Variants in SGCZ observed in about 807,000 individuals in gnomAD.
SGCZ encodes the protein zeta-sarcoglycan.
SGCZ carries 40 observed loss-of-function variants against 41.3 expected under a neutral mutation model. That is an observed-to-expected ratio of 0.97 (90% confidence interval 0.75 to 1.26). SGCZ has a LOEUF of 1.26. SGCZ is among the 50% of genes most tolerant of loss of function. The pLI is 0.00. For missense variants in SGCZ, 552 were observed against 369.8 expected, an observed-to-expected ratio of 1.49 and a Z score of -4.04; for synonymous variants, 206 against 137.5, an observed-to-expected ratio of 1.50 and a Z score of -3.49.
intron 1 of SGCZ, among the ~76,000 whole-genome samples, chr8:15,197,014 G>A (rs1169510085): frequency 1.3e-5 from 2 of 152,232 alleles, no homozygotes; most frequent in Non-Finnish European, 2.9e-5. Context: ...AAAGAAAGAA[G>A]TTGCAAGGTC....
chr8:15,069,377 G>A (rs975119908), intron 1 of SGCZ, among the ~76,000 whole-genome samples: 3 of 152,084 alleles, frequency 2.0e-5, no homozygotes, highest in African/African-American at 4.8e-5. Flanking sequence ...GTCTAGAATT[G>A]CTTATTATTT....
intron 1 of SGCZ, among the ~76,000 whole-genome samples, chr8:15,002,897 A>T: frequency 6.6e-6 from 1 of 152,050 alleles, no homozygotes. Flanking sequence ...GAGGTAATGG[A>T]ATCATGGGGT....
intron 5 of SGCZ, among the ~76,000 whole-genome samples, chr8:14,143,550 C>G (rs1338337532): frequency 2.0e-5 from 3 of 152,074 alleles, no homozygotes; most frequent in African/African-American, 7.2e-5. Context: ...AAACAAAATT[C>G]TGAAACACCA....
intron 2 of SGCZ, among the ~76,000 whole-genome samples, chr8:14,329,475 TTTC>T (rs1476341908): frequency 1.3e-5 from 2 of 152,206 alleles, no homozygotes; most frequent in African/African-American, 4.8e-5. Context: ...CTTATTTTTA[TTTC>T]TTCTTTTTCA....
At chr8:14,982,649 C>G (rs117707563) in intron 1 of SGCZ, among the ~76,000 whole-genome samples, 166 of 152,296 alleles carry the variant, frequency 1.1e-3, no homozygotes, top group Non-Finnish European at 1.8e-3. Context: ...CTAAATCGAT[C>G]TAGGTAAAGC....
intron 2 of SGCZ, among the ~76,000 whole-genome samples, chr8:14,375,725 C>T (rs1563288642): frequency 6.6e-6 from 1 of 151,834 alleles, no homozygotes; most frequent in African/African-American, 2.4e-5. Flanking sequence ...AAGCACTGAG[C>T]AAAATAAAGT....
chr8:14,576,562 G>C (rs1372139210), intron 1 of SGCZ, among the ~76,000 whole-genome samples: 2 of 152,182 alleles, frequency 1.3e-5, no homozygotes, highest in Admixed American at 6.5e-5. Flanking sequence ...TTTTAGAATT[G>C]ATTTTATATC....
At chr8:14,198,442 G>C (rs924678253) in intron 4 of SGCZ, among the ~76,000 whole-genome samples, 1 of 152,158 alleles carries the variant, frequency 6.6e-6, no homozygotes, top group Non-Finnish European at 1.5e-5. Context: ...GGGAATATAA[G>C]AGGGAAGAAA....
intron 2 of SGCZ, among the ~76,000 whole-genome samples, chr8:14,439,167 T>C (rs1430485782): frequency 6.6e-6 from 1 of 151,956 alleles, no homozygotes; most frequent in Non-Finnish European, 1.5e-5. Flanking sequence ...GGAAGAATTA[T>C]TTGTAGTAAG....
At position 14,551,534 on chromosome 8, in the gene SGCZ, AT is replaced by A. The variant is rs1563404613; in HGVS notation, c.234+3197del. Among the ~76,000 whole-genome samples the A allele has an allele frequency of 6.4e-4, 5 of 7,838 alleles. 2 individuals carry two copies. The highest frequency in any genetic ancestry group is 1.1e-3 in the Non-Finnish European group (5 of 4,608). The allele number at this position is 7,838 out of a possible 152,430, so 5.1% of individuals were successfully genotyped here. ...ATATATATTATATATAATATATATA[AT>A]ATATATAATATATATAATATATATT... On this transcript the variant is annotated intron_variant, in intron 2 of 7. Coordinates refer to ENST00000382080, the MANE Select transcript of SGCZ (RefSeq NM_139167.4).
At chr8:15,036,065 T>C (rs1248005038) in intron 1 of SGCZ, among the ~76,000 whole-genome samples, 3 of 151,826 alleles carry the variant, frequency 2.0e-5, no homozygotes, top group African/African-American at 7.3e-5. Context: ...TGTGAAACGA[T>C]AAGCAAAAAT....
chr8:14,503,613 C>T (rs1802219074), intron 2 of SGCZ, among the ~76,000 whole-genome samples: 2 of 151,762 alleles, frequency 1.3e-5, no homozygotes, highest in African/African-American at 4.8e-5. Flanking sequence ...ACTGAAAATA[C>T]AAAAATTAGC....
At chr8:14,090,986 C>G (rs1349638522) in intron 7 of SGCZ, among the ~76,000 whole-genome samples, 1 of 151,862 alleles carries the variant, frequency 6.6e-6, no homozygotes, top group Non-Finnish European at 1.5e-5. Context: ...ATAGATTTCC[C>G]CGTCACATCC....
At chr8:15,099,554 A>C (rs1806521443) in intron 1 of SGCZ, among the ~76,000 whole-genome samples, 1 of 152,226 alleles carries the variant, frequency 6.6e-6, no homozygotes, top group African/African-American at 2.4e-5. Context: ...ATACCAATTC[A>C]CTACCGGCTC....
At chr8:15,065,781 G>C (rs1265036241) in intron 1 of SGCZ, among the ~76,000 whole-genome samples, 5 of 152,072 alleles carry the variant, frequency 3.3e-5, no homozygotes, top group Non-Finnish European at 7.4e-5. Context: ...ATAAGCCATA[G>C]ATGTCTGGAG....
intron 1 of SGCZ, among the ~76,000 whole-genome samples, chr8:14,764,333 T>C (rs548029651): frequency 2.0e-5 from 3 of 152,310 alleles, no homozygotes; most frequent in Admixed American, 2.0e-4. Flanking sequence ...TAAAGCATTG[T>C]TCTAGAAATT....
chr8:14,944,192 G>C (rs1214276753), intron 1 of SGCZ, among the ~76,000 whole-genome samples: 1 of 152,124 alleles, frequency 6.6e-6, no homozygotes, highest in Non-Finnish European at 1.5e-5. Context: ...CTTCACCTCT[G>C]GCTAAGTTTT....
At chr8:14,475,194 G>A (rs930759835) in intron 2 of SGCZ, among the ~76,000 whole-genome samples, 1 of 152,022 alleles carries the variant, frequency 6.6e-6, no homozygotes, top group Admixed American at 6.6e-5. Context: ...ATTTCAATAT[G>A]AGTCTAATGA....
chr8:14,681,318 G>T (rs1808439904), intron 1 of SGCZ, among the ~76,000 whole-genome samples: 1 of 152,112 alleles, frequency 6.6e-6, no homozygotes, highest in Non-Finnish European at 1.5e-5. Flanking sequence ...ACAAGACAAT[G>T]AAGTGCCATA....
Sources: gnomAD v4.1 joint callset for allele counts (sites outside exome capture counted in the v4.1 genomes callset) on GRCh38, gnomAD v4.1.1 for gene constraint, MANE v1.5 for transcripts, NCBI Gene and HGNC (gene_info 2026-07-23, HGNC 2026-07-21) for gene names.